LAMA3: variants seen among roughly 807,000 people sequenced by gnomAD.
The protein encoded by LAMA3 is laminin subunit alpha-3.
A neutral mutation model predicts 402.0 loss-of-function variants in LAMA3; 281 were observed. That is an observed-to-expected ratio of 0.70 (90% CI 0.63 to 0.77). LAMA3 has a LOEUF of 0.77. Among genes scored for constraint, LAMA3 ranks in the 30% least tolerant of loss-of-function variants. The pLI is 0.00. For missense variants in LAMA3, 3,840 were observed against 4,215.5 expected (o/e 0.91, Z 2.47); for synonymous variants, 1,431 against 1,558.4 (o/e 0.92, Z 1.93).
chr18:23,784,840 A>T (rs1394352186), intron 12 of LAMA3, among the ~76,000 whole-genome samples: 2 of 152,216 alleles, frequency 1.3e-5, no homozygotes, highest in Non-Finnish European at 2.9e-5. Flanking sequence ...CTTTCTGCAG[A>T]CAATGGTGTA....
chr18:23,842,429 T>G lies in LAMA3; in HGVS notation c.3371T>G (p.Leu1124Arg), dbSNP rs76711437. The change falls in exon 28 of 75, where the codon CTG (leucine) becomes CGG (arginine). Residue 1124 changes from leucine (L) to arginine (R), a missense_variant. By Grantham distance (102) the Leu-to-Arg change is moderately radical. Transcript: ENST00000313654. ...QVTLRGRVPH[L>R]GRYVFVIHFY... is the part of the protein sequence containing the mutation. ...ACCCTGAGAGGACGTGTACCACACC[T>G]GGGCCGATACGTCTTTGTCATCCAT... 5.9e-4 allele frequency: 950 copies of G among 1,614,170 alleles called. 5 individuals carry two copies. The African/African-American group carries it at 0.01, about 17-fold the overall frequency.
At chr18:23,718,731 C>T (rs995966397) in intron 2 of LAMA3, among the ~76,000 whole-genome samples, 2 of 152,184 alleles carry the variant, frequency 1.3e-5, no homozygotes, top group African/African-American at 4.8e-5. Context: ...CTCCCTGGTC[C>T]CCCTCTGAGT....
intron 43 of LAMA3, 110 bp downstream of exon 43, chr18:23,894,458 G>C (rs570844912): frequency 1.0e-6 from 1 of 985,668 alleles, no homozygotes; most frequent in East Asian, 2.4e-5. Flanking sequence ...GTAAGGGTGG[G>C]AGGAGGTGGA....
chr18:23,700,747 G>A (rs1167313609), intron 1 of LAMA3, among the ~76,000 whole-genome samples: 15 of 152,034 alleles, frequency 9.9e-5, no homozygotes, highest in East Asian at 1.9e-4. Flanking sequence ...GCCTGGGCTC[G>A]AGTGTGGTGG....
chr18:23,870,525 T>C (rs1050405650), intron 37 of LAMA3, among the ~76,000 whole-genome samples: 1 of 152,166 alleles, frequency 6.6e-6, no homozygotes, highest in Non-Finnish European at 1.5e-5. Flanking sequence ...CTTCACAAGA[T>C]ATTTGCACAT....
intron 1 of LAMA3, chr18:23,710,012 G>A (rs574012764): frequency 5.8e-5 from 44 of 757,222 alleles, no homozygotes; most frequent in Non-Finnish European, 9.8e-5. Context: ...CAAGTGTGTT[G>A]CTGTCTTCTA....
In LAMA3 at chr18:23,845,113, C is replaced by CT. The variant is rs758832093; in HGVS notation, c.3712dup (p.Tyr1238LeufsTer3). ...TTATCACCAATTGTGGAAAAAACAGCTTTTACCTTGAGTGAGTATCACTTT... is the reference window on the plus strand; with the variant it reads ...TTATCACCAATTGTGGAAAAAACAGCTTTTTACCTTGAGTGAGTATCACTTT... On this transcript the variant is annotated frameshift_variant, in exon 30 of 75. Coordinates refer to ENST00000313654, the MANE Select transcript of LAMA3 (RefSeq NM_198129.4). LOFTEE classifies it high-confidence loss of function. 38 of 1,588,574 alleles carry CT rather than the reference C, an allele frequency of 2.4e-5. No individual in the cohort carries two copies. In the East Asian group the frequency reaches 8.3e-4, roughly 35 times the overall value.
chr18:23,726,727 C>T (rs546835959), intron 2 of LAMA3, among the ~76,000 whole-genome samples: 4 of 152,232 alleles, frequency 2.6e-5, no homozygotes, highest in African/African-American at 7.2e-5. Flanking sequence ...AAGCGATTCC[C>T]GTGTCTCAGC....
chr18:23,847,459 G>A lies in LAMA3; in HGVS notation c.3932-5G>A. ...TCACATGGTATTTCTTTATCCCCTG[G>A]CCAGCGTGCAGCTGTGGTCGGCGCC... On this transcript the variant is annotated splice_polypyrimidine_tract_variant and splice_region_variant and intron_variant, in intron 31 of 74. Transcript: ENST00000313654. 6.2e-7 allele frequency: 1 copy of A among 1,610,330 alleles called. No homozygotes were observed. Among genetic ancestry groups the A allele is most frequent in the Non-Finnish European group, 8.5e-7 (1 of 1,180,004 alleles).
rs1406564732 is a variant in LAMA3, at chr18:23,921,485, A to G, written c.8077A>G (p.Met2693Val). 1.2e-6 allele frequency: 2 copies of G among 1,613,778 alleles called. No homozygotes were observed. Among genetic ancestry groups the G allele is most frequent in the Non-Finnish European group, 1.7e-6 (2 of 1,179,772 alleles). Residue 2693 changes from methionine to valine, a missense_variant, in exon 62 of 75, where the codon ATG (methionine) becomes GTG (valine). By Grantham distance (21) the Met-to-Val change is conservative. Around this residue, in one of 3 missense-constraint regions of LAMA3, gnomAD observed 840 missense variants for 981.9 expected, o/e 0.86. Transcript: ENST00000313654. ...QIKIGKLQKR[M>V]WINVDVQNTI... Reference sequence around the variant, plus strand: ...CAAAATTGGAAAACTCCAAAAGCGTATGTGGATAAATGTGGACGTTCAAAA... The same window carrying G: ...CAAAATTGGAAAACTCCAAAAGCGTGTGTGGATAAATGTGGACGTTCAAAA...
intron 12 of LAMA3, among the ~76,000 whole-genome samples, chr18:23,809,651 T>C (rs1305952029): frequency 1.3e-5 from 2 of 152,212 alleles, no homozygotes; most frequent in African/African-American, 4.8e-5. Flanking sequence ...GGCCAGCATC[T>C]GTTCTCTCCA....
At chr18:23,932,843 G>A (rs73967637) in intron 66 of LAMA3, among the ~76,000 whole-genome samples, 3,796 of 152,244 alleles carry the variant, frequency 0.025, 156 homozygotes, top group African/African-American at 0.088. Context: ...ATGAATCTCA[G>A]GCTGGAATTC....
chr18:23,875,460 C>T (rs1018723118), intron 38 of LAMA3, among the ~76,000 whole-genome samples: 1 of 152,100 alleles, frequency 6.6e-6, no homozygotes, highest in Non-Finnish European at 1.5e-5. Context: ...ACAAGACCAA[C>T]CCAAGGAGAG....
rs762853054 is a variant in LAMA3 at position 23,903,976 on chromosome 18, A to C, written c.6362A>C (p.Glu2121Ala). Residue 2121 changes from glutamate (E) to alanine (A), a missense_variant, in exon 50 of 75, where the codon GAA becomes GCA. This residue lies in a region of LAMA3 where 891 missense variants were observed against 857.5 expected (regional missense o/e 1.04). Coordinates refer to ENST00000313654, the MANE Select transcript of LAMA3 (RefSeq NM_198129.4). Reference sequence around the variant, plus strand: ...GCCAGTTTAAATGAAGCAAGACAAGAACTAAGTGACAAAGTAAGAGAACTT... The same window carrying C: ...GCCAGTTTAAATGAAGCAAGACAAGCACTAAGTGACAAAGTAAGAGAACTT... Reference protein sequence around the residue: ...LAASLNEARQELSDKVRELSR... With the variant: ...LAASLNEARQALSDKVRELSR... The C allele has an allele frequency of 1.2e-5, 20 of 1,613,966 alleles. No homozygotes were observed. In the South Asian group the frequency reaches 2.2e-4, roughly 18 times the overall value.
chr18:23,921,080 G>T (rs374738069), intron 61 of LAMA3, 26 bp downstream of exon 61: 1 of 1,612,800 alleles, frequency 6.2e-7, no homozygotes, highest in Non-Finnish European at 8.5e-7. Flanking sequence ...CTGTTTACTT[G>T]AATCGTTAAA....
chr18:23,794,231 C>T (rs1939100173), intron 12 of LAMA3, among the ~76,000 whole-genome samples: 1 of 152,184 alleles, frequency 6.6e-6, no homozygotes, highest in South Asian at 2.1e-4. Flanking sequence ...CCCACAATCA[C>T]AAAGGTGGGG....
At position 23,773,647 on chromosome 18, in the gene LAMA3, C is replaced by T. The variant is rs1187986693; in HGVS notation, c.1273+60C>T. ...GTGTGTACTGCCTCAGCGAAGTCAT[C>T]AGGCTAACTTTGGATCAGTTAATAA... On this transcript the variant is annotated intron_variant, in intron 9 of 74. Transcript: ENST00000313654. 1.1e-5 allele frequency: 12 copies of T among 1,096,970 alleles called. No individual in the cohort carries two copies. The highest frequency in any genetic ancestry group is 2.0e-5 in the Admixed American group (1 of 50,588). 68.0% of individuals were successfully genotyped at this position (1,096,970 alleles called of 1,614,324 possible). A position where few individuals can be genotyped will look rare whatever the true frequency, so the allele number is the denominator to read the frequency against.
intron 62 of LAMA3, among the ~76,000 whole-genome samples, chr18:23,924,821 G>T (rs949340795): frequency 4.6e-5 from 7 of 152,116 alleles, no homozygotes; most frequent in Non-Finnish European, 8.8e-5. Context: ...AGGATTACAG[G>T]CATAAGCCAC....
At chr18:23,878,187 A>C (rs183963391) in intron 39 of LAMA3, among the ~76,000 whole-genome samples, 2 of 152,272 alleles carry the variant, frequency 1.3e-5, no homozygotes, top group Non-Finnish European at 2.9e-5. Context: ...ATCTTATGAA[A>C]GCTGCCAAAG....
Sources: allele counts gnomAD v4.1 joint callset (sites outside exome capture counted in the v4.1 genomes callset), GRCh38; gene constraint gnomAD v4.1.1; regional missense constraint gnomAD v4.1.1; transcripts MANE v1.5; gene names NCBI Gene and HGNC (gene_info 2026-07-23, HGNC 2026-07-21).